The following PRAMEF1 variants were observed in gnomAD, a reference collection of about 807,000 sequenced individuals.
The protein encoded by PRAMEF1 is PRAME family member 1.
A neutral mutation model predicts 38.2 loss-of-function variants in PRAMEF1; 21 were observed. The ratio of observed to expected loss-of-function variants is 0.55; its 90% CI spans 0.39 to 0.79. The LOEUF is 0.79. PRAMEF1 is among the 30% of genes least tolerant of loss of function. PRAMEF1 has a pLI of 0.00. For missense variants in PRAMEF1, 497 were observed against 565.8 expected (o/e 0.88, Z 1.23); for synonymous variants, 200 against 229.0 (o/e 0.87, Z 1.14).
In PRAMEF1 at chr1:12,794,223, T is replaced by C; in HGVS notation, c.596T>C (p.Leu199Ser). Residue 199 changes from leucine to serine, a missense_variant, in exon 3 of 4, where the codon TTG becomes TCG. Transcript: ENST00000332296. Reference protein sequence around the residue: ...LTPIKYLRKSLKIIYLNSIQE... With the variant: ...LTPIKYLRKSSKIIYLNSIQE... ...CCGATTAAATATCTCAGAAAGTCAT[T>C]GAAAATAATATACCTGAATAGTATT... 6.2e-7 allele frequency: 1 copy of C among 1,611,506 alleles called. No individual in the cohort carries two copies. The highest frequency in any genetic ancestry group is 8.5e-7 in the Non-Finnish European group (1 of 1,178,452).
rs1219945286 is a variant in PRAMEF1 at position 12,794,803 on chromosome 1, A to G, written c.866+310A>G. 6 of 1,314,360 alleles carry G rather than the reference A, an allele frequency of 4.6e-6. 1 individual carries two copies. The highest frequency in any genetic ancestry group is 6.0e-6 in the Non-Finnish European group (6 of 994,038). The allele number at this position is 1,314,360 out of a possible 1,614,324, so 81.4% of individuals were successfully genotyped here. On this transcript the variant is annotated intron_variant, in intron 3 of 3. Coordinates refer to ENST00000332296, the MANE Select transcript of PRAMEF1 (RefSeq NM_023013.4). Reference sequence around the variant, plus strand: ...ATTTCCTGTTACAAAGTGTGTTTCAAGTTGATATGATGTCAAAGAGATAAT... The same window carrying G: ...ATTTCCTGTTACAAAGTGTGTTTCAGGTTGATATGATGTCAAAGAGATAAT...
At position 12,794,613 on chromosome 1, in the gene PRAMEF1, C is replaced by G. The variant is rs1639359554; in HGVS notation, c.866+120C>G. ...GGCAACGTCACAGTGAAGGGGACAT[C>G]AGAATGTCAACACATTGTCCCATTC... On this transcript the variant is annotated intron_variant, in intron 3 of 3. Transcript: ENST00000332296. The G allele has an allele frequency of 2.0e-6, 3 of 1,532,552 alleles. No individual in the cohort carries two copies. The Admixed American group carries it at 5.4e-5, about 28-fold the overall frequency. The allele number at this position is 1,532,552 out of a possible 1,614,324, so 94.9% of individuals were successfully genotyped here. A position where few individuals can be genotyped will look rare whatever the true frequency, so the allele number is the denominator to read the frequency against.
At chr1:12,793,022 C>T (rs1639321001) in intron 1 of PRAMEF1, among the ~76,000 whole-genome samples, 181 bp from the exon 2 acceptor site, 1 of 150,966 alleles carries the variant, frequency 6.6e-6, no homozygotes, top group Admixed American at 6.6e-5. Context: ...TTTCAGGATC[C>T]TCAGTGGCAC....
In PRAMEF1 at chr1:12,793,454, A is replaced by G. The variant is rs771075554; in HGVS notation, c.227A>G (p.Glu76Gly). 6.2e-7 allele frequency: 1 copy of G among 1,609,532 alleles called. No homozygotes were observed. The highest frequency in any genetic ancestry group is 1.1e-5 in the South Asian group (1 of 90,478). The change falls in exon 2 of 4, where the codon GAG (glutamate) becomes GGG (glycine). Residue 76 changes from glutamate (E) to glycine (G), a missense_variant. This residue lies in a region of PRAMEF1 where 470 missense variants were observed against 501.9 expected (regional missense o/e 0.94). Transcript: ENST00000332296. ...TCACTGATGAAGACGCTTCATTTGG[A>G]GACCTTAAAAGCATTGCTGGAAGGG... ...LGSLMKTLHL[E>G]TLKALLEGLH... is the part of the protein sequence containing the mutation.
At chr1:12,793,087 G>A (rs1398875924) in intron 1 of PRAMEF1, 116 bp from the exon 2 acceptor site, 68 of 1,347,148 alleles carry the variant, frequency 5.0e-5, no homozygotes, top group Non-Finnish European at 6.6e-5. Flanking sequence ...ATAAGTCAGT[G>A]GTCTCCATGA....
intron 1 of PRAMEF1, among the ~76,000 whole-genome samples, chr1:12,792,243 A>T (rs1313234631): frequency 6.6e-6 from 1 of 151,274 alleles, no homozygotes; most frequent in African/African-American, 2.4e-5. Flanking sequence ...GCTGTCCTCA[A>T]ACTCCTGACC....
Position 12,794,369 on chromosome 1 carries a change from G to T in PRAMEF1, c.742G>T (p.Asp248Tyr). Reference protein sequence around the residue: ...VFSRCHHYTSDNELEGRLVAK... With the variant: ...VFSRCHHYTSYNELEGRLVAK... ...CTCCAGGTGCCATCATTACACGTCA[G>T]ATAATGAACTCGAAGGACGGTTAGT... Residue 248 changes from aspartate (D) to tyrosine (Y), a missense_variant, in exon 3 of 4, where the codon GAT becomes TAT. Transcript: ENST00000332296. 1 of 1,612,098 alleles carries T rather than the reference G, an allele frequency of 6.2e-7. No individual in the cohort carries two copies. Among genetic ancestry groups the T allele is most frequent in the Admixed American group, 1.7e-5 (1 of 59,810 alleles).
Position 12,796,227 on chromosome 1 carries a change from C to T in PRAMEF1, c.*231C>T. On this transcript the variant is annotated 3_prime_UTR_variant, in exon 4 of 4. Coordinates refer to ENST00000332296, the MANE Select transcript of PRAMEF1 (RefSeq NM_023013.4). ...CCTCCTGCCTCAGCTTCCTAAAGTGCTGGGATTACTGGCATGAGTGACTGT... is the reference window on the plus strand; with the variant it reads ...CCTCCTGCCTCAGCTTCCTAAAGTGTTGGGATTACTGGCATGAGTGACTGT... 1.5e-6 allele frequency: 1 copy of T among 673,510 alleles called. No homozygotes were observed. The highest frequency in any genetic ancestry group is 1.8e-5 in the African/African-American group (1 of 55,546). 41.7% of individuals were successfully genotyped at this position (673,510 alleles called of 1,614,324 possible).
At chr1:12,792,591 G>T (rs1639312266) in intron 1 of PRAMEF1, among the ~76,000 whole-genome samples, 1 of 150,956 alleles carries the variant, frequency 6.6e-6, no homozygotes. Context: ...ATTTGTTTTT[G>T]TTTGAGTCAG....
In PRAMEF1 at chr1:12,793,276, C is replaced by T; in HGVS notation, c.49C>T (p.Leu17=). 1 of 1,607,730 alleles carries T rather than the reference C, an allele frequency of 6.2e-7. No homozygotes were observed. The highest frequency in any genetic ancestry group is 8.5e-7 in the Non-Finnish European group (1 of 1,177,570). Residue 17 remains leucine (L), a synonymous_variant, in exon 2 of 4, where the codon CTG becomes TTG. Transcript: ENST00000332296. ...ACTACTGGAGCTGGCAGGGCAGAGC[C>T]TGCTGAGAGACCAGGCCTTGTCCAT... is the stretch of plus-strand genomic sequence containing the variant. ...PRLLELAGQS[L]LRDQALSISA...
chr1:12,793,612 T>G (rs1639335194), intron 2 of PRAMEF1, 98 bp downstream of exon 2: 1 of 1,548,730 alleles, frequency 6.5e-7, no homozygotes, highest in Non-Finnish European at 8.8e-7. Context: ...GCCCAGAGTC[T>G]TCTGATGGTG....
At position 12,793,966 on chromosome 1, in the gene PRAMEF1, G is replaced by A. The variant is rs1226850298; in HGVS notation, c.339G>A (p.Trp113Ter). Residue 113 changes from tryptophan (W) to a stop codon, truncating the protein, a stop_gained, in exon 3 of 4, where the codon TGG becomes TGA. Transcript: ENST00000332296. LOFTEE classifies it high-confidence loss of function. ...LDLRDVDENFWARWPGAWALS... is the reference protein window; with the variant it reads ...LDLRDVDENF The stretch of plus-strand genomic sequence containing the variant: ...TGCGGGATGTTGACGAGAATTTCTG[G>A]GCCAGATGGCCTGGAGCCTGGGCCC... The A allele has an allele frequency of 1.9e-6, 3 of 1,608,892 alleles. No individual in the cohort carries two copies. Among genetic ancestry groups the A allele is most frequent in the Non-Finnish European group, 2.5e-6 (3 of 1,178,534 alleles).
chr1:12,795,192 A>G (rs1178009333), intron 3 of PRAMEF1, among the ~76,000 whole-genome samples: 1 of 151,056 alleles, frequency 6.6e-6, no homozygotes, highest in African/African-American at 2.4e-5. Context: ...AAAAGATGAA[A>G]AAAAAAAGGC....
chr1:12,793,867 G>C (rs778213759), intron 2 of PRAMEF1, 48 bp from the exon 3 acceptor site: 1 of 1,570,944 alleles, frequency 6.4e-7, no homozygotes. Flanking sequence ...GCAAAGGTCA[G>C]GGATGAGTCC....
In PRAMEF1 at chr1:12,795,908, A is replaced by C. The variant is rs776811087; in HGVS notation, c.1337A>C (p.Gln446Pro). The C allele has an allele frequency of 5.6e-6, 9 of 1,611,066 alleles. No individual in the cohort carries two copies. Among genetic ancestry groups the C allele is most frequent in the Non-Finnish European group, 5.9e-6 (7 of 1,179,684 alleles). The change falls in exon 4 of 4, where the codon CAG becomes CCG. Residue 446 changes from glutamine to proline, a missense_variant. By Grantham distance (76) the Gln-to-Pro change is moderately conservative (BLOSUM62 -1). Coordinates refer to ENST00000332296, the MANE Select transcript of PRAMEF1 (RefSeq NM_023013.4). ...ATGTGTACACTGAGGGAAGTCAGGCAGCCCAAGAGGATCTTCATTGGCCCC... is the reference window on the plus strand; with the variant it reads ...ATGTGTACACTGAGGGAAGTCAGGCCGCCCAAGAGGATCTTCATTGGCCCC... ...ELMCTLREVRQPKRIFIGPTP... is the reference protein window; with the variant it reads ...ELMCTLREVRPPKRIFIGPTP...
chr1:12,794,086 C>A lies in PRAMEF1; in HGVS notation c.459C>A (p.Ile153=), dbSNP rs773567330. ...AGCCCTTAAAGGTGTTCATAGACAT[C>A]TGCCTCAAGGAAATACCCCAGGATG... The part of the protein sequence containing the change: ...EHQPLKVFID[I]CLKEIPQDEC... The change falls in exon 3 of 4, where the codon ATC becomes ATA. Residue 153 remains isoleucine (I), a synonymous_variant. Transcript: ENST00000332296. 6.2e-6 allele frequency: 10 copies of A among 1,609,724 alleles called. No individual in the cohort carries two copies. The highest frequency in any genetic ancestry group is 7.6e-6 in the Non-Finnish European group (9 of 1,178,732).
intron 1 of PRAMEF1, among the ~76,000 whole-genome samples, chr1:12,791,871 A>G (rs2744048): frequency 0.32 from 47,420 of 149,230 alleles, 8,280 homozygotes; most frequent in East Asian, 0.48. Context: ...CAATCTCAAG[A>G]GTGCAGTTTT....
rs1285264186 is a variant in PRAMEF1 at position 12,796,212 on chromosome 1, C to T, written c.*216C>T. Reference sequence around the variant, plus strand: ...CTGGGCTTATGGGATCCTCCTGCCTCAGCTTCCTAAAGTGCTGGGATTACT... The same window carrying T: ...CTGGGCTTATGGGATCCTCCTGCCTTAGCTTCCTAAAGTGCTGGGATTACT... On this transcript the variant is annotated 3_prime_UTR_variant, in exon 4 of 4. Coordinates refer to ENST00000332296, the MANE Select transcript of PRAMEF1 (RefSeq NM_023013.4). 6 of 886,566 alleles carry T rather than the reference C, an allele frequency of 6.8e-6. No individual in the cohort carries two copies. The highest frequency in any genetic ancestry group is 9.9e-6 in the Non-Finnish European group (6 of 605,132). The allele number at this position is 886,566 out of a possible 1,614,324, so 54.9% of individuals were successfully genotyped here.
Position 12,795,784 on chromosome 1 carries a change from A to G in PRAMEF1, c.1213A>G (p.Ser405Gly). The G allele has an allele frequency of 6.2e-7, 1 of 1,610,976 alleles. No homozygotes were observed. The highest frequency in any genetic ancestry group is 1.1e-5 in the South Asian group (1 of 90,910). ...KDLLRHTSGL[S>G]KLSLETYPAP... ...CCTGCTGCGCCACACCAGTGGGCTG[A>G]GCAAGTTAAGCCTGGAGACGTATCC... The change falls in exon 4 of 4, where the codon AGC (serine) becomes GGC (glycine). Residue 405 changes from serine to glycine, a missense_variant. By Grantham distance (56) the Ser-to-Gly change is moderately conservative (BLOSUM62 0). This residue lies in a region of PRAMEF1 where 470 missense variants were observed against 501.9 expected (regional missense o/e 0.94). Coordinates refer to ENST00000332296, the MANE Select transcript of PRAMEF1 (RefSeq NM_023013.4).
Sources: gnomAD v4.1 joint callset for allele counts (sites outside exome capture counted in the v4.1 genomes callset) on GRCh38, gnomAD v4.1.1 for gene constraint, gnomAD v4.1.1 regional missense constraint, MANE v1.5 for transcripts, NCBI Gene and HGNC (gene_info 2026-07-23, HGNC 2026-07-21) for gene names.